KIFC1: variants seen among roughly 807,000 people sequenced by gnomAD.
KIFC1 encodes the protein kinesin family member C1, also known as kinesin-like protein KIFC1.
In KIFC1, 37 loss-of-function variants were observed where a neutral mutation model predicts 66.6. The ratio of observed to expected loss-of-function variants is 0.56; its 90% CI spans 0.43 to 0.73. The LOEUF (loss-of-function observed/expected upper bound fraction) is 0.73, where lower values mean the gene tolerates loss of function less well. Ranked by LOEUF, KIFC1 falls within the 30% of genes least tolerant of loss-of-function variation. The probability of loss-of-function intolerance (pLI) is 0.00; values close to 1 mark genes in which losing one functional copy is unlikely to be tolerated. For missense variants in KIFC1, 721 were observed against 859.8 expected (o/e 0.84, Z 2.02); for synonymous variants, 325 against 343.5 (o/e 0.95, Z 0.60).
chr6:33,404,207 C>T lies in KIFC1; in HGVS notation c.756+78C>T, dbSNP rs1209013833. On this transcript the variant is annotated intron_variant, in intron 6 of 10. Transcript: ENST00000428849. The surrounding 1 kb of genome is among the most constrained non-coding windows in gnomAD (Gnocchi z 4.0). ...TGCCTCCCCTCCCTTCCAGGTACCC[C>T]TCAAGTCTGGGCTGAGAACTCCTGA... is the stretch of plus-strand genomic sequence containing the variant. The T allele has an allele frequency of 5.6e-6, 8 of 1,438,226 alleles. No homozygotes were observed. The highest frequency in any genetic ancestry group is 2.0e-5 in the Admixed American group (1 of 49,168). The allele number at this position is 1,438,226 out of a possible 1,614,324, so 89.1% of individuals were successfully genotyped here. A position where few individuals can be genotyped will look rare whatever the true frequency, so the allele number is the denominator to read the frequency against.
chr6:33,403,533 G>T lies in KIFC1; in HGVS notation c.353G>T (p.Gly118Val). 1 of 1,614,130 alleles carries T rather than the reference G, an allele frequency of 6.2e-7. No individual in the cohort carries two copies. The highest frequency in any genetic ancestry group is 8.5e-7 in the Non-Finnish European group (1 of 1,179,952). The change falls in exon 5 of 11, where the codon GGC (glycine) becomes GTC (valine). Residue 118 changes from glycine (G) to valine (V), a missense_variant and splice_region_variant. Transcript: ENST00000428849. The surrounding 1 kb of genome is among the most constrained non-coding windows in gnomAD (Gnocchi z 4.6). The stretch of plus-strand genomic sequence containing the variant: ...CCTGCTGTTCCTGTCCAGAAGTCTG[G>T]CAGTAAGTGACAAACATAACCACTG... ...PVPAVPVQKS[G>V]TSGVPPMAGG... is the part of the protein sequence containing the mutation.
Position 33,406,079 on chromosome 6 carries a change from TTTC to T in KIFC1, c.1537-114_1537-112del. The stretch of plus-strand genomic sequence containing the variant: ...CAGACATACTGTGCATCTTATTTTG[TTTC>T]TTGACAGGCTAGAAAGCTTCAAGAG... On this transcript the variant is annotated intron_variant, in intron 7 of 10. Coordinates refer to ENST00000428849, the MANE Select transcript of KIFC1 (RefSeq NM_002263.4). The surrounding 1 kb of genome is among the most constrained non-coding windows in gnomAD (Gnocchi z 4.5). 1 of 955,118 alleles carries T rather than the reference TTTC, an allele frequency of 1.0e-6. No homozygotes were observed. The highest frequency in any genetic ancestry group is 1.6e-6 in the Non-Finnish European group (1 of 637,830). 59.2% of individuals were successfully genotyped at this position (955,118 alleles called of 1,614,324 possible). A position where few individuals can be genotyped will look rare whatever the true frequency, so the allele number is the denominator to read the frequency against.
Sources: allele counts gnomAD v4.1 joint callset, GRCh38; gene constraint gnomAD v4.1.1; non-coding constraint Gnocchi (gnomAD v3.1); transcripts MANE v1.5; gene names NCBI Gene and HGNC (gene_info 2026-07-23, HGNC 2026-07-21).